UNG: variants seen among roughly 807,000 people sequenced by gnomAD.
UNG encodes the protein uracil DNA glycosylase, also known as uracil-DNA glycosylase.
A neutral mutation model predicts 36.5 loss-of-function variants in UNG; 34 were observed. The ratio of observed to expected loss-of-function variants is 0.93; its 90% CI spans 0.71 to 1.24. UNG has a LOEUF of 1.24. Ranked by LOEUF, UNG falls within the 50% of genes most tolerant of loss-of-function variation. UNG has a pLI of 0.00. For missense variants in UNG, 391 were observed against 397.6 expected, an observed-to-expected ratio of 0.98 and a Z score of 0.14; for synonymous variants, 172 against 157.8, an observed-to-expected ratio of 1.09 and a Z score of -0.67.
intron 6 of UNG, chr12:109,105,167 G>T (rs1469200599): frequency 6.6e-6 from 1 of 152,140 alleles, no homozygotes; most frequent in Non-Finnish European, 1.5e-5. Context: ...TCCCATCTTG[G>T]TCTCCCAAAG....
intron 6 of UNG, among the ~76,000 whole-genome samples, chr12:109,103,877 T>C (rs1434461414): frequency 6.6e-6 from 1 of 152,130 alleles, no homozygotes; most frequent in Non-Finnish European, 1.5e-5. Flanking sequence ...AGGCATGAAC[T>C]TGGTGTCTAC....
At position 109,107,273 on chromosome 12, in the gene UNG, T is replaced by G. The variant is rs142184271; in HGVS notation, c.802-2556T>G. 9.2e-5 allele frequency among the ~76,000 whole-genome samples: 14 copies of G among 152,204 alleles called. No homozygotes were observed. In the East Asian group the frequency reaches 2.7e-3, roughly 30 times the overall value. ...TGGAATGCACTGGCTTGATCTCAACTCACTGCGGCCTCAACCTCCCAGGCT... is the reference window on the plus strand; with the variant it reads ...TGGAATGCACTGGCTTGATCTCAACGCACTGCGGCCTCAACCTCCCAGGCT... On this transcript the variant is annotated intron_variant, in intron 6 of 6. Coordinates refer to ENST00000242576, the MANE Select transcript of UNG (RefSeq NM_080911.3).
chr12:109,099,333 G>A (rs1240540363), intron 3 of UNG, 49 bp downstream of exon 3: 2 of 1,514,692 alleles, frequency 1.3e-6, no homozygotes, highest in Non-Finnish European at 1.8e-6. Context: ...GAGTCAAATA[G>A]TATTTTTAAA....
At chr12:109,103,055 G>A (rs1017870961) in intron 5 of UNG, 128 bp downstream of exon 5, 8 of 733,660 alleles carry the variant, frequency 1.1e-5, no homozygotes, top group Admixed American at 2.2e-5. Flanking sequence ...AGGTTCAGGC[G>A]ATTCTCATGC....
At chr12:109,097,956 C>G in intron 1 of UNG, 145 bp downstream of exon 1, 1 of 1,284,372 alleles carries the variant, frequency 7.8e-7, no homozygotes, top group Non-Finnish European at 1.0e-6. Flanking sequence ...TTCAAAATAG[C>G]CGCCGCTGTC....
intron 6 of UNG, among the ~76,000 whole-genome samples, chr12:109,104,352 G>A (rs948213882): frequency 1.3e-5 from 2 of 151,788 alleles, no homozygotes; most frequent in African/African-American, 2.4e-5. Context: ...CCGGCCTATC[G>A]GTGATCATTA....
Position 109,098,057 on chromosome 12 carries a change from C to G in UNG, c.132+246C>G, listed in dbSNP as rs911156643. On this transcript the variant is annotated intron_variant, in intron 1 of 6. Coordinates refer to ENST00000242576, the MANE Select transcript of UNG (RefSeq NM_080911.3). Reference sequence around the variant, plus strand: ...CCGCGCGCCGCAGGCCCTCCTGGCTCGGTGCGCTGTCCAATCAGAGGGGAG... The same window carrying G: ...CCGCGCGCCGCAGGCCCTCCTGGCTGGGTGCGCTGTCCAATCAGAGGGGAG... 3 of 1,370,406 alleles carry G rather than the reference C, an allele frequency of 2.2e-6. No individual in the cohort carries two copies. The East Asian group carries it at 8.1e-5, about 37-fold the overall frequency. 84.9% of individuals were successfully genotyped at this position (1,370,406 alleles called of 1,614,324 possible).
In UNG at chr12:109,103,520, C is replaced by G. The variant is rs201146665; in HGVS notation, c.710C>G (p.Ala237Gly). ...CGAGGCTGGGAGCAGTTCACTGATG[C>G]AGTTGTGTCCTGGCTAAATCAGAAC... Reference protein sequence around the residue: ...KERGWEQFTDAVVSWLNQNSN... With the variant: ...KERGWEQFTDGVVSWLNQNSN... Residue 237 changes from alanine (A) to glycine (G), a missense_variant, in exon 6 of 7, where the codon GCA becomes GGA. Transcript: ENST00000242576. 3.1e-6 allele frequency: 5 copies of G among 1,614,206 alleles called. No homozygotes were observed. The highest frequency in any genetic ancestry group is 4.2e-6 in the Non-Finnish European group (5 of 1,180,028).
At position 109,110,293 on chromosome 12, in the gene UNG, C is replaced by T; in HGVS notation, c.*324C>T. ...ACAGGGGAGATGTGCACCTTTCAGGCACAGCCCTAGTTTGGCGCCTGCTGC... is the reference window on the plus strand; with the variant it reads ...ACAGGGGAGATGTGCACCTTTCAGGTACAGCCCTAGTTTGGCGCCTGCTGC... On this transcript the variant is annotated 3_prime_UTR_variant, in exon 7 of 7. Transcript: ENST00000242576. The T allele has an allele frequency of 2.8e-6, 1 of 356,546 alleles. No homozygotes were observed. The highest frequency in any genetic ancestry group is 3.8e-5 in the Admixed American group (1 of 26,236). The allele number at this position is 356,546 out of a possible 1,614,324, so 22.1% of individuals were successfully genotyped here. A position where few individuals can be genotyped will look rare whatever the true frequency, so the allele number is the denominator to read the frequency against.
chr12:109,098,158 G>T, intron 1 of UNG: 1 of 1,395,498 alleles, frequency 7.2e-7, no homozygotes, highest in Non-Finnish European at 9.3e-7. Context: ...GTCTGGCGGG[G>T]GCGGGGCACC....
At chr12:109,104,387 T>TA (rs553396705) in intron 6 of UNG, among the ~76,000 whole-genome samples, 1 of 152,064 alleles carries the variant, frequency 6.6e-6, no homozygotes, top group Non-Finnish European at 1.5e-5. Context: ...TAATTGCAGA[T>TA]ACCCAACACG....
chr12:109,100,412 T>G (rs1416240847), intron 3 of UNG, among the ~76,000 whole-genome samples: 1 of 152,206 alleles, frequency 6.6e-6, no homozygotes, highest in Non-Finnish European at 1.5e-5. Context: ...TTAATGAATA[T>G]CTGTGAAATG....
chr12:109,098,467 G>A lies in UNG; in HGVS notation c.168G>A (p.Glu56=), dbSNP rs775726637. ...CCAAGAAGGCCCCGGCTGGGCAGGA[G>A]GAGCCTGGGACGCCGCCCTCCTCGC... ...IPAKKAPAGQ[E]EPGTPPSSPL... is the part of the protein sequence containing the mutation. The change falls in exon 2 of 7, where the codon GAG becomes GAA. Residue 56 remains glutamate (E), a synonymous_variant. Coordinates refer to ENST00000242576, the MANE Select transcript of UNG (RefSeq NM_080911.3). The A allele has an allele frequency of 3.1e-6, 5 of 1,611,816 alleles. No homozygotes were observed. Among genetic ancestry groups the A allele is most frequent in the South Asian group, 1.1e-5 (1 of 90,948 alleles).
intron 6 of UNG, 116 bp downstream of exon 6, chr12:109,103,727 C>CT: frequency 8.1e-7 from 1 of 1,238,528 alleles, no homozygotes; most frequent in Non-Finnish European, 1.1e-6. Context: ...TATAAAATAA[C>CT]TTTTATTTTC....
chr12:109,102,296 C>T (rs55740597), intron 4 of UNG, among the ~76,000 whole-genome samples: 7 of 152,026 alleles, frequency 4.6e-5, no homozygotes, highest in Non-Finnish European at 7.4e-5. Flanking sequence ...CCCTTGGGGG[C>T]GTAAAATCAC....
chr12:109,103,079 G>C, intron 5 of UNG, 152 bp downstream of exon 5: 1 of 678,570 alleles, frequency 1.5e-6, no homozygotes, highest in Non-Finnish European at 2.6e-6. Context: ...AGCCTCCTGA[G>C]TAGCTGGGAC....
chr12:109,105,059 C>A (rs1212227797), intron 6 of UNG: 1 of 151,996 alleles, frequency 6.6e-6, no homozygotes, highest in East Asian at 1.9e-4. Flanking sequence ...ATTACAGTTG[C>A]CTGCCACCAC....
chr12:109,100,496 CTTAATT>C (rs1376792808), intron 3 of UNG, among the ~76,000 whole-genome samples: 1 of 152,144 alleles, frequency 6.6e-6, no homozygotes, highest in Non-Finnish European at 1.5e-5. Flanking sequence ...ATCTCGTAAG[CTTAATT>C]TTAGAGTAAG....
At chr12:109,105,410 C>T (rs3219252) in intron 6 of UNG, among the ~76,000 whole-genome samples, 74 of 152,236 alleles carry the variant, frequency 4.9e-4, no homozygotes, top group Non-Finnish European at 8.4e-4. Flanking sequence ...GTTGCTCTTC[C>T]GCAGTATATT....
Sources: allele counts gnomAD v4.1 joint callset (sites outside exome capture counted in the v4.1 genomes callset), GRCh38; gene constraint gnomAD v4.1.1; transcripts MANE v1.5; gene names NCBI Gene and HGNC (gene_info 2026-07-23, HGNC 2026-07-21).